The following ESRRG variants were observed in gnomAD, a reference collection of about 807,000 sequenced individuals.
ESRRG encodes estrogen related receptor gamma, also known as estrogen-related receptor gamma.
A neutral mutation model predicts 44.0 loss-of-function variants in ESRRG; 13 were observed. That is an observed-to-expected ratio of 0.30 (90% CI 0.19 to 0.47). The LOEUF is 0.47. Ranked by LOEUF, ESRRG falls within the 20% of genes least tolerant of loss-of-function variation. ESRRG has a pLI of 1.00. For synonymous variants in ESRRG, 215 were observed against 214.6 expected (o/e 1.00, Z -0.02); for missense variants, 395 against 580.6 (o/e 0.68, Z 3.29).
chr1:216,890,257 C>T (rs751175917), intron 2 of ESRRG, among the ~76,000 whole-genome samples: 20 of 151,678 alleles, frequency 1.3e-4, no homozygotes, highest in Non-Finnish European at 2.4e-4. Flanking sequence ...AGAGTGAGAC[C>T]CTGTCTCAAA....
chr1:216,956,945 C>T (rs188926722), intron 1 of ESRRG, among the ~76,000 whole-genome samples: 2 of 152,210 alleles, frequency 1.3e-5, no homozygotes, highest in Admixed American at 1.3e-4. Flanking sequence ...TAATATTCTG[C>T]AAGTCTTGAA....
At chr1:217,105,512 A>T (rs758835620) in intron 1 of ESRRG, among the ~76,000 whole-genome samples, 7 of 152,102 alleles carry the variant, frequency 4.6e-5, no homozygotes, top group Non-Finnish European at 8.8e-5. Context: ...GAGTGCTCAA[A>T]CCTGGCTCCT....
chr1:217,085,288 T>G (rs530859292), intron 1 of ESRRG, among the ~76,000 whole-genome samples: 1 of 152,244 alleles, frequency 6.6e-6, no homozygotes, highest in East Asian at 1.9e-4. Context: ...CTGTGTGTAT[T>G]GACCTTCTAT....
In ESRRG at chr1:216,509,525, T is replaced by C. The variant is rs189203975; in HGVS notation, c.1133-2342A>G. Among the ~76,000 whole-genome samples the C allele has an allele frequency of 3.3e-5, 5 of 152,298 alleles. No individual in the cohort carries two copies. The East Asian group carries it at 9.6e-4, about 29-fold the overall frequency. On this transcript the variant is annotated intron_variant, in intron 6 of 6. Coordinates refer to ENST00000408911, the MANE Select transcript of ESRRG (RefSeq NM_001438.4). ...TGCACAGTTACCTCGGCCCTACCCA[T>C]AGTCTTGCCTTTCCCACTACTCTTG...
intron 5 of ESRRG, among the ~76,000 whole-genome samples, chr1:216,533,955 C>T (rs915951789): frequency 9.2e-5 from 14 of 152,136 alleles, no homozygotes; most frequent in Non-Finnish European, 2.1e-4. Context: ...CTCAGCTGGA[C>T]CCAATGGCTT....
At chr1:216,557,496 G>A (rs2057828160) in intron 5 of ESRRG, among the ~76,000 whole-genome samples, 2 of 152,118 alleles carry the variant, frequency 1.3e-5, no homozygotes, top group African/African-American at 4.8e-5. Flanking sequence ...CATTGTCAAC[G>A]GTGTGTGTCA....
chr1:216,755,914 A>T (rs1255991038), intron 2 of ESRRG, among the ~76,000 whole-genome samples: 1 of 152,024 alleles, frequency 6.6e-6, no homozygotes, highest in African/African-American at 2.4e-5. Context: ...GGTCCCTATT[A>T]GTAGCAATCC....
chr1:216,863,576 T>C (rs1351792422), intron 2 of ESRRG: 1 of 152,196 alleles, frequency 6.6e-6, no homozygotes, highest in Non-Finnish European at 1.5e-5. Context: ...ATAGTCCAAT[T>C]AGTCAAACCT....
chr1:217,043,210 G>T (rs2084198153), intron 1 of ESRRG, among the ~76,000 whole-genome samples: 1 of 151,974 alleles, frequency 6.6e-6, no homozygotes, highest in Non-Finnish European at 1.5e-5. Context: ...ACATCTGTAG[G>T]GCTATCACAC....
At chr1:216,727,814 A>AT (rs2152109446), upstream of ESRRG, among the ~76,000 whole-genome samples, 1 of 150,512 alleles carries the variant, frequency 6.6e-6, no homozygotes, top group South Asian at 2.1e-4. Context: ...GCCTATATAT[A>AT]AAAAAAAGCC....
chr1:217,040,277 G>A (rs555577238), intron 1 of ESRRG, among the ~76,000 whole-genome samples: 59 of 152,254 alleles, frequency 3.9e-4, no homozygotes, highest in Middle Eastern at 3.4e-3. Context: ...CTAGGCTGGT[G>A]AGTTCAAATT....
At chr1:216,851,707 A>G (rs2095845729) in intron 2 of ESRRG, among the ~76,000 whole-genome samples, 5 of 152,208 alleles carry the variant, frequency 3.3e-5, no homozygotes, top group Admixed American at 2.0e-4. Context: ...ATGGTGCTTC[A>G]TTACAGCAGG....
At chr1:216,621,531 T>C (rs940643434) in intron 3 of ESRRG, among the ~76,000 whole-genome samples, 3 of 152,206 alleles carry the variant, frequency 2.0e-5, no homozygotes, top group Admixed American at 2.0e-4. Flanking sequence ...GGATTCCTTC[T>C]GATACTCCTC....
intron 1 of ESRRG, among the ~76,000 whole-genome samples, chr1:217,008,126 T>C (rs77523822): frequency 6.6e-6 from 1 of 152,314 alleles, no homozygotes; most frequent in African/African-American, 2.4e-5. Context: ...CAGCAGACAT[T>C]AAAATCTTCA....
intron 5 of ESRRG, among the ~76,000 whole-genome samples, chr1:216,555,959 G>A (rs2057457015): frequency 6.6e-6 from 1 of 152,062 alleles, no homozygotes; most frequent in Admixed American, 6.6e-5. Flanking sequence ...GATTAGGGTT[G>A]GAGAGAGGGT....
At chr1:216,868,118 A>C (rs561169607) in intron 2 of ESRRG, among the ~76,000 whole-genome samples, 2 of 100,860 alleles carry the variant, frequency 2.0e-5, no homozygotes, top group African/African-American at 3.9e-5. Flanking sequence ...ACAGAGTTTC[A>C]CTCCTATTGC....
intron 1 of ESRRG, among the ~76,000 whole-genome samples, chr1:216,954,513 T>C (rs1302971112): frequency 1.3e-5 from 2 of 152,158 alleles, no homozygotes; most frequent in Non-Finnish European, 2.9e-5. Context: ...GAGTGCATTA[T>C]GCAATTTTCA....
At chr1:217,009,937 C>T (rs2078314603) in intron 1 of ESRRG, among the ~76,000 whole-genome samples, 1 of 152,004 alleles carries the variant, frequency 6.6e-6, no homozygotes, top group South Asian at 2.1e-4. Context: ...AACTCATGAC[C>T]TCATAATCCA....
Position 216,752,092 on chromosome 1 carries a change from T to C in ESRRG, c.-13-74601A>G, listed in dbSNP as rs115612379. Among the ~76,000 whole-genome samples, 505 of 152,244 alleles carry C rather than the reference T, an allele frequency of 3.3e-3. 1 individual carries two copies. The highest frequency in any genetic ancestry group is 0.011 in the African/African-American group (467 of 41,560). The stretch of plus-strand genomic sequence containing the variant: ...ATAGATGTTTTCATTCTAAGCTCAC[T>C]TGGCCTTTTAAACCTAGAATATTCA... On this transcript the variant is annotated intron_variant, in intron 2 of 7. Transcript: ENST00000359162.
Sources: allele counts gnomAD v4.1 joint callset (sites outside exome capture counted in the v4.1 genomes callset), GRCh38; gene constraint gnomAD v4.1.1; transcripts MANE v1.5; gene names NCBI Gene and HGNC (gene_info 2026-07-23, HGNC 2026-07-21).